CEP112: variants seen among roughly 807,000 people sequenced by gnomAD.
CEP112 encodes the protein centrosomal protein 112, also known as centrosomal protein of 112 kDa.
Under a neutral mutation model 153.0 loss-of-function variants are expected in CEP112, and 127 were observed. The ratio of observed to expected loss-of-function variants is 0.83; its 90% CI spans 0.72 to 0.96. The LOEUF (loss-of-function observed/expected upper bound fraction) is 0.96. Among genes scored for constraint, CEP112 ranks in the 40% least tolerant of loss-of-function variants. CEP112 has a pLI of 0.00. For missense variants in CEP112, 1,089 were observed against 1,101.2 expected (o/e 0.99, Z 0.16); for synonymous variants, 358 against 374.4 (o/e 0.96, Z 0.51).
intron 20 of CEP112, among the ~76,000 whole-genome samples, chr17:65,889,952 G>A (rs1210399607): frequency 6.6e-6 from 1 of 151,978 alleles, no homozygotes; most frequent in Admixed American, 6.6e-5. Context: ...ACTTTCGATT[G>A]TTGACAGTTA....
intron 12 of CEP112, among the ~76,000 whole-genome samples, chr17:66,050,200 CCA>C (rs2066380855): frequency 6.6e-6 from 1 of 152,082 alleles, no homozygotes; most frequent in Non-Finnish European, 1.5e-5. Context: ...AGATGTGGCT[CCA>C]GTGTCTTCTG....
chr17:66,105,302 C>G (rs1417377576), intron 6 of CEP112, among the ~76,000 whole-genome samples: 1 of 151,636 alleles, frequency 6.6e-6, no homozygotes, highest in Non-Finnish European at 1.5e-5. Context: ...AAATAAAAAC[C>G]AAGAAATTAA....
chr17:66,163,834 A>G (rs2071817829), intron 4 of CEP112, among the ~76,000 whole-genome samples: 1 of 152,230 alleles, frequency 6.6e-6, no homozygotes, highest in African/African-American at 2.4e-5. Context: ...TGTTTATTAA[A>G]AAGGACAACC....
Position 65,783,714 on chromosome 17 carries a change from C to G in CEP112, c.2395-32990G>C, listed in dbSNP as rs150512910. ...GAAAGCAATAAGTATGATGCCCATA[C>G]AAAACATGTCTTATTTCCCCGTTCA... is the stretch of plus-strand genomic sequence containing the variant. On this transcript the variant is annotated intron_variant, in intron 21 of 26. Coordinates refer to ENST00000535342, the MANE Select transcript of CEP112 (RefSeq NM_001199165.4). 2.6e-3 allele frequency among the ~76,000 whole-genome samples: 393 copies of G among 152,286 alleles called. 2 individuals are homozygous for G. Among genetic ancestry groups the G allele is most frequent in the African/African-American group, 9.2e-3 (382 of 41,566 alleles).
chr17:66,173,076 A>C (rs1277489547), intron 4 of CEP112, among the ~76,000 whole-genome samples: 4 of 152,142 alleles, frequency 2.6e-5, no homozygotes, highest in Non-Finnish European at 4.4e-5. Context: ...TTCTTAAATC[A>C]CATGATCCCT....
Position 66,171,051 on chromosome 17 carries a change from C to T in CEP112, c.470+3993G>A, listed in dbSNP as rs185318022. Reference sequence around the variant, plus strand: ...TGAGAATAAGCCAGATGGAGTATGACCTCACCATACTTCTAACAAGTTTGG... The same window carrying T: ...TGAGAATAAGCCAGATGGAGTATGATCTCACCATACTTCTAACAAGTTTGG... On this transcript the variant is annotated intron_variant, in intron 4 of 26. Coordinates refer to ENST00000535342, the MANE Select transcript of CEP112 (RefSeq NM_001199165.4). Among the ~76,000 whole-genome samples the T allele has an allele frequency of 8.7e-4, 132 of 152,170 alleles. 1 individual carries two copies. The highest frequency in any genetic ancestry group is 3.0e-3 in the African/African-American group (125 of 41,538).
chr17:65,945,007 C>T lies in CEP112; in HGVS notation c.1872+16456G>A, dbSNP rs139135259. On this transcript the variant is annotated intron_variant, in intron 18 of 26. Coordinates refer to ENST00000535342, the MANE Select transcript of CEP112 (RefSeq NM_001199165.4). ...TGGATGATTTTCTCAAATTGAATAC[C>T]TCCATGTAACTAGCACTCAGGTCAA... Among the ~76,000 whole-genome samples, 486 of 152,198 alleles carry T rather than the reference C, an allele frequency of 3.2e-3. 3 individuals carry two copies. Among genetic ancestry groups the T allele is most frequent in the African/African-American group, 0.011 (467 of 41,520 alleles).
chr17:65,795,554 G>A (rs895308699), intron 21 of CEP112, among the ~76,000 whole-genome samples: 1 of 152,324 alleles, frequency 6.6e-6, no homozygotes, highest in South Asian at 2.1e-4. Flanking sequence ...GCTCATGCCT[G>A]TAATTCCAGC....
intron 8 of CEP112, among the ~76,000 whole-genome samples, chr17:66,083,460 G>A (rs1416003097): frequency 6.6e-6 from 1 of 152,168 alleles, no homozygotes; most frequent in Non-Finnish European, 1.5e-5. Flanking sequence ...TCTATAATCT[G>A]TAAAAAATTG....
chr17:65,969,468 T>C (rs2062553158), intron 17 of CEP112, among the ~76,000 whole-genome samples: 1 of 152,212 alleles, frequency 6.6e-6, no homozygotes, highest in Non-Finnish European at 1.5e-5. Context: ...ATCACATGCA[T>C]GTGTAATGCA....
intron 23 of CEP112, among the ~76,000 whole-genome samples, chr17:65,689,591 T>C (rs2047996371): frequency 1.3e-5 from 2 of 152,188 alleles, no homozygotes; most frequent in South Asian, 4.1e-4. Flanking sequence ...CTGAATATCA[T>C]TGTGACGGAT....
At chr17:65,910,909 T>C (rs1598978950) in intron 19 of CEP112, among the ~76,000 whole-genome samples, 1 of 152,122 alleles carries the variant, frequency 6.6e-6, no homozygotes, top group Non-Finnish European at 1.5e-5. Context: ...CAAACCACTC[T>C]TGAAACAAAA....
At chr17:65,712,821 G>A (rs2049273065) in intron 23 of CEP112, among the ~76,000 whole-genome samples, 1 of 152,060 alleles carries the variant, frequency 6.6e-6, no homozygotes, top group African/African-American at 2.4e-5. Context: ...TGGGTGCTGT[G>A]GGCGATACTC....
chr17:66,162,215 C>G (rs890542285), intron 4 of CEP112, among the ~76,000 whole-genome samples: 1 of 152,016 alleles, frequency 6.6e-6, no homozygotes, highest in African/African-American at 2.4e-5. Context: ...TCCAAATCAT[C>G]GATAAACATT....
At chr17:65,865,185 G>A (rs2058443626) in intron 20 of CEP112, among the ~76,000 whole-genome samples, 1 of 151,858 alleles carries the variant, frequency 6.6e-6, no homozygotes. Context: ...GAGATCACAG[G>A]TGCATGCCAC....
chr17:66,014,234 G>A (rs944123358), intron 16 of CEP112, among the ~76,000 whole-genome samples: 2 of 152,132 alleles, frequency 1.3e-5, no homozygotes, highest in African/African-American at 4.8e-5. Context: ...GCATGTCAGT[G>A]GGGGCCACTC....
At chr17:65,969,145 G>A (rs1204269665) in intron 17 of CEP112, among the ~76,000 whole-genome samples, 2 of 149,766 alleles carry the variant, frequency 1.3e-5, no homozygotes, top group Non-Finnish European at 3.0e-5. Flanking sequence ...GCAGTGGTGC[G>A]ATCTCGGCTA....
At chr17:65,947,053 C>T (rs2061672876) in intron 18 of CEP112, among the ~76,000 whole-genome samples, 1 of 152,076 alleles carries the variant, frequency 6.6e-6, no homozygotes, top group Non-Finnish European at 1.5e-5. Flanking sequence ...ACAAAATTTA[C>T]TTGTATATTT....
intron 4 of CEP112, among the ~76,000 whole-genome samples, chr17:66,144,009 G>A (rs80296739): frequency 1.3e-3 from 195 of 152,268 alleles, no homozygotes; most frequent in African/African-American, 4.5e-3. Flanking sequence ...GAGTGTGTGG[G>A]AAAGAATAAT....
Sources: gnomAD v4.1 joint callset for allele counts (sites outside exome capture counted in the v4.1 genomes callset) on GRCh38, gnomAD v4.1.1 for gene constraint, MANE v1.5 for transcripts, NCBI Gene and HGNC (gene_info 2026-07-23, HGNC 2026-07-21) for gene names.